The following MICU2 variants were observed in gnomAD, a reference collection of about 807,000 sequenced individuals.
The protein encoded by MICU2 is calcium uptake protein 2, mitochondrial.
Under a neutral mutation model 60.4 loss-of-function variants are expected in MICU2, and 64 were observed. The ratio of observed to expected loss-of-function variants is 1.06; its 90% confidence interval spans 0.87 to 1.31. The LOEUF (loss-of-function observed/expected upper bound fraction) is 1.31. Among genes scored for constraint, MICU2 ranks in the 50% most tolerant of loss-of-function variants. The pLI, the probability that MICU2 is intolerant of heterozygous loss-of-function variation, is 0.00. For synonymous variants in MICU2, 201 were observed against 175.0 expected (o/e 1.15, Z -1.17); for missense variants, 569 against 531.0 (o/e 1.07, Z -0.70).
intron 4 of MICU2, among the ~76,000 whole-genome samples, chr13:21,535,435 G>A (rs945823710): frequency 1.3e-5 from 2 of 152,124 alleles, no homozygotes; most frequent in Non-Finnish European, 2.9e-5. Context: ...TTCCAGAAAA[G>A]TCTATATTAT....
At chr13:21,518,308 C>T (rs915207493) in intron 6 of MICU2, among the ~76,000 whole-genome samples, 3 of 152,270 alleles carry the variant, frequency 2.0e-5, no homozygotes, top group South Asian at 2.1e-4. Context: ...ACAACAACAA[C>T]GATATGCCTT....
chr13:21,514,324 T>C (rs1318648825), intron 7 of MICU2, 29 bp downstream of exon 7: 3 of 1,542,662 alleles, frequency 1.9e-6, no homozygotes, highest in South Asian at 2.3e-5. Flanking sequence ...ATTATAAATA[T>C]CAATTGTTTG....
chr13:21,525,229 G>C lies in MICU2; in HGVS notation c.467-2579C>G, dbSNP rs189102174. 6.3e-3 allele frequency among the ~76,000 whole-genome samples: 687 copies of C among 109,216 alleles called. 12 individuals carry two copies. Among genetic ancestry groups the C allele is most frequent in the African/African-American group, 0.024 (644 of 27,258 alleles). The allele number at this position is 109,216 out of a possible 152,430, so 71.6% of individuals were successfully genotyped here. On this transcript the variant is annotated intron_variant, in intron 4 of 11. Transcript: ENST00000382374. ...TTTTTTTGAGATGGAGTCTTGCTCT[G>C]TCGCCCAGGCTGGAGTGCAGTGGTG...
rs566800441 is a variant in MICU2, at chr13:21,560,949, C to G, written c.358+5848G>C. 1.4e-3 allele frequency among the ~76,000 whole-genome samples: 219 copies of G among 152,278 alleles called. 1 individual carries two copies. The Middle Eastern group carries it at 0.024, about 17-fold the overall frequency. ...ACTTGGTCATCTAAACTATTCTTGC[C>G]TAGAGTTCTCTTCTAGGGACCAAAT... is the stretch of plus-strand genomic sequence containing the variant. On this transcript the variant is annotated intron_variant, in intron 2 of 11. Coordinates refer to ENST00000382374, the MANE Select transcript of MICU2 (RefSeq NM_152726.3).
At chr13:21,594,667 G>T (rs1888654290) in intron 1 of MICU2, among the ~76,000 whole-genome samples, 1 of 152,148 alleles carries the variant, frequency 6.6e-6, no homozygotes, top group South Asian at 2.1e-4. Context: ...AGAAAATGTG[G>T]TACATATATA....
intron 1 of MICU2, among the ~76,000 whole-genome samples, chr13:21,567,460 G>C (rs1262987193): frequency 6.6e-6 from 1 of 152,192 alleles, no homozygotes; most frequent in Non-Finnish European, 1.5e-5. Flanking sequence ...GAGGAAAGAA[G>C]AGAGTGGCAG....
At chr13:21,562,122 T>C (rs1347701566) in intron 2 of MICU2, among the ~76,000 whole-genome samples, 12 of 151,808 alleles carry the variant, frequency 7.9e-5, no homozygotes, top group Non-Finnish European at 1.5e-4. Flanking sequence ...TGTTGGACAT[T>C]TGGGTTGGTT....
intron 1 of MICU2, among the ~76,000 whole-genome samples, chr13:21,568,190 G>A (rs1888027960): frequency 6.6e-6 from 1 of 152,142 alleles, no homozygotes. Flanking sequence ...GGAAAAACAT[G>A]AATTCCAGTT....
Position 21,492,867 on chromosome 13 carries a change from T to C in MICU2, c.*382A>G, listed in dbSNP as rs946570541. ...AAGTTTTTAACTTCATTTAGCCTAT[T>C]AGGAACATGAAGATGTCTGGAATTG... is the stretch of plus-strand genomic sequence containing the variant. On this transcript the variant is annotated 3_prime_UTR_variant, in exon 12 of 12. Transcript: ENST00000382374. 1 of 155,348 alleles carries C rather than the reference T, an allele frequency of 6.4e-6. No individual in the cohort carries two copies. The highest frequency in any genetic ancestry group is 1.4e-5 in the Non-Finnish European group (1 of 70,246). 9.6% of individuals were successfully genotyped at this position (155,348 alleles called of 1,614,324 possible). A position where few individuals can be genotyped will look rare whatever the true frequency, so the allele number is the denominator to read the frequency against.
At chr13:21,566,706 A>G in intron 2 of MICU2, 91 bp downstream of exon 2, 1 of 1,085,434 alleles carries the variant, frequency 9.2e-7, no homozygotes, top group Non-Finnish European at 1.3e-6. Flanking sequence ...GATAATTAAA[A>G]TGAAGAAAAG....
chr13:21,500,839 G>A (rs566357602), intron 9 of MICU2, among the ~76,000 whole-genome samples: 1 of 152,066 alleles, frequency 6.6e-6, no homozygotes, highest in Non-Finnish European at 1.5e-5. Context: ...TTTTGCAGGG[G>A]ACGAGGTGAG....
intron 1 of MICU2, among the ~76,000 whole-genome samples, chr13:21,569,339 A>G (rs180780150): frequency 1.8e-4 from 27 of 151,494 alleles, no homozygotes; most frequent in African/African-American, 6.5e-4. Context: ...AAACCTTTCA[A>G]CTCCCACTGG....
intron 2 of MICU2, among the ~76,000 whole-genome samples, chr13:21,562,813 T>C (rs969611749): frequency 3.3e-5 from 5 of 152,226 alleles, no homozygotes; most frequent in African/African-American, 4.8e-5. Flanking sequence ...GATTTTATAT[T>C]CATGTATTCC....
At chr13:21,554,380 A>G (rs1410891035) in intron 2 of MICU2, among the ~76,000 whole-genome samples, 1 of 152,186 alleles carries the variant, frequency 6.6e-6, no homozygotes, top group Non-Finnish European at 1.5e-5. Context: ...TAAGAAACTC[A>G]CTCAAAACTG....
intron 2 of MICU2, among the ~76,000 whole-genome samples, chr13:21,559,154 G>A (rs930223095): frequency 1.3e-5 from 2 of 152,174 alleles, no homozygotes; most frequent in Admixed American, 1.3e-4. Flanking sequence ...AGACTTTAAA[G>A]GAAGGTCTTA....
At chr13:21,565,580 C>T (rs1566162797) in intron 2 of MICU2, among the ~76,000 whole-genome samples, 2 of 152,240 alleles carry the variant, frequency 1.3e-5, no homozygotes, top group African/African-American at 4.8e-5. Context: ...ATCGCTTGAA[C>T]CCCAGAGGTA....
At chr13:21,596,052 A>G (rs1345123822) in intron 1 of MICU2, among the ~76,000 whole-genome samples, 1 of 152,174 alleles carries the variant, frequency 6.6e-6, no homozygotes, top group Non-Finnish European at 1.5e-5. Flanking sequence ...CAATCTAGTA[A>G]TATTCAAAAT....
intron 1 of MICU2, among the ~76,000 whole-genome samples, chr13:21,593,590 A>AC (rs1888632683): frequency 2.7e-5 from 4 of 150,378 alleles, no homozygotes; most frequent in South Asian, 2.1e-4. Flanking sequence ...AAAAAAAAAA[A>AC]AAAACAAAGC....
At chr13:21,543,190 A>G (rs1327728313) in intron 2 of MICU2, among the ~76,000 whole-genome samples, 1 of 152,214 alleles carries the variant, frequency 6.6e-6, no homozygotes, top group Non-Finnish European at 1.5e-5. Context: ...AACCTTCTTC[A>G]TATCACTAAT....
Sources: gnomAD v4.1 joint callset for allele counts (sites outside exome capture counted in the v4.1 genomes callset) on GRCh38, gnomAD v4.1.1 for gene constraint, MANE v1.5 for transcripts, NCBI Gene and HGNC (gene_info 2026-07-23, HGNC 2026-07-21) for gene names.